Variants in IL1RAPL2 observed in about 807,000 individuals in gnomAD.
IL1RAPL2 encodes interleukin 1 receptor accessory protein like 2.
A neutral mutation model predicts 44.1 loss-of-function variants in IL1RAPL2; 3 were observed. The ratio of observed to expected loss-of-function variants is 0.07; its 90% confidence interval spans 0.03 to 0.18. IL1RAPL2 has a LOEUF of 0.18. IL1RAPL2 is among the 10% of genes least tolerant of loss of function. The pLI is 1.00. For missense variants in IL1RAPL2, 391 were observed against 496.4 expected, an observed-to-expected ratio of 0.79 and a Z score of 2.02; for synonymous variants, 181 against 178.8, an observed-to-expected ratio of 1.01 and a Z score of -0.10.
chrX:105,293,097 G>A (rs1235546401), intron 5 of IL1RAPL2, among the ~76,000 whole-genome samples: 4 of 74,310 alleles, frequency 5.4e-5, no homozygotes, highest in Non-Finnish European at 7.3e-5. Flanking sequence ...CAGCCTAGGC[G>A]ACAGAGCACG....
intron 2 of IL1RAPL2, among the ~76,000 whole-genome samples, chrX:104,847,256 G>C (rs187480151): frequency 8.9e-6 from 1 of 112,026 alleles, no homozygotes; most frequent in Admixed American, 9.5e-5. Context: ...TTTTAATCAT[G>C]AAGTCCTTGC....
At chrX:105,440,347 T>C (rs950136040) in intron 5 of IL1RAPL2, among the ~76,000 whole-genome samples, 1 of 112,400 alleles carries the variant, frequency 8.9e-6, no homozygotes, top group African/African-American at 3.2e-5. Flanking sequence ...TTAATAGTTT[T>C]AGGTTTAAGT....
At chrX:105,189,839 T>C (rs563778997) in intron 2 of IL1RAPL2, among the ~76,000 whole-genome samples, 101 of 111,555 alleles carry the variant, frequency 9.1e-4, no homozygotes, top group African/African-American at 3.1e-3. Context: ...GGAATACATA[T>C]GACAATTTGG....
At chrX:104,784,397 A>C (rs1368717937) in intron 2 of IL1RAPL2, among the ~76,000 whole-genome samples, 1 of 110,976 alleles carries the variant, frequency 9.0e-6, no homozygotes, top group African/African-American at 3.3e-5. Flanking sequence ...AGGCCAGTTC[A>C]TTTTTCTTAT....
At chrX:105,195,033 G>C (rs1378172240) in intron 2 of IL1RAPL2, among the ~76,000 whole-genome samples, 1 of 110,100 alleles carries the variant, frequency 9.1e-6, no homozygotes, top group Non-Finnish European at 1.9e-5. Flanking sequence ...GTTTTGTGGG[G>C]CTCCTGTCTA....
intron 2 of IL1RAPL2, among the ~76,000 whole-genome samples, chrX:104,954,288 G>A (rs1389956360): frequency 1.8e-5 from 2 of 111,932 alleles, no homozygotes; most frequent in Non-Finnish European, 3.8e-5. Flanking sequence ...GCAACATGGG[G>A]AAGTAATTTT....
intron 2 of IL1RAPL2, among the ~76,000 whole-genome samples, chrX:104,714,420 T>C (rs1931517777): frequency 9.0e-6 from 1 of 110,797 alleles, no homozygotes; most frequent in Admixed American, 9.6e-5. Flanking sequence ...GCTGTTCTCA[T>C]GGTAATGAGT....
intron 2 of IL1RAPL2, among the ~76,000 whole-genome samples, chrX:105,093,930 G>A (rs1000693598): frequency 1.1e-4 from 12 of 111,662 alleles, no homozygotes; most frequent in African/African-American, 2.9e-4. Context: ...ATTAAATAAG[G>A]TAATGTATGC....
At chrX:105,230,527 T>C (rs924779686) in intron 3 of IL1RAPL2, among the ~76,000 whole-genome samples, 4 of 108,247 alleles carry the variant, frequency 3.7e-5, no homozygotes, top group African/African-American at 1.3e-4. Flanking sequence ...ATTATATATA[T>C]CTTTTAATAT....
chrX:104,630,086 C>T (rs1431501111), intron 1 of IL1RAPL2, among the ~76,000 whole-genome samples: 2 of 109,950 alleles, frequency 1.8e-5, no homozygotes, highest in African/African-American at 6.7e-5. Context: ...CTGGTTCAAG[C>T]AATTCCCCTG....
intron 5 of IL1RAPL2, among the ~76,000 whole-genome samples, chrX:105,312,132 G>A (rs1268082774): frequency 1.8e-5 from 2 of 111,415 alleles, no homozygotes; most frequent in African/African-American, 6.5e-5. Context: ...GGCAGAGTGT[G>A]AAACAAAAGC....
At chrX:105,327,643 A>G (rs1490642277) in intron 5 of IL1RAPL2, among the ~76,000 whole-genome samples, 1 of 111,437 alleles carries the variant, frequency 9.0e-6, no homozygotes, top group African/African-American at 3.3e-5. Context: ...TCCTCCTTTC[A>G]TACCATGGGA....
rs1050278315 is a variant in IL1RAPL2 at position 105,679,097 on chromosome X, C to T, written c.773-38270C>T. On this transcript the variant is annotated intron_variant, in intron 6 of 10. Coordinates refer to ENST00000372582, the MANE Select transcript of IL1RAPL2 (RefSeq NM_017416.2). The stretch of plus-strand genomic sequence containing the variant: ...TAATTACTTTTCACAGCTTCTAATC[C>T]CCTAGACTTGTTTGCTATATGGAAT... Among the ~76,000 whole-genome samples, 3 of 108,731 alleles carry T rather than the reference C, an allele frequency of 2.8e-5. No individual in the cohort carries two copies. The Admixed American group carries it at 3.0e-4, about 11-fold the overall frequency. The allele number at this position is 108,731 out of a possible 115,157, so 94.4% of individuals were successfully genotyped here.
At chrX:105,087,119 T>C (rs1321975626) in intron 2 of IL1RAPL2, among the ~76,000 whole-genome samples, 1 of 111,472 alleles carries the variant, frequency 9.0e-6, no homozygotes, top group Non-Finnish European at 1.9e-5. Context: ...AGTTTAAGCA[T>C]GTGGGAAATC....
At chrX:105,286,598 C>G (rs1042607332) in intron 5 of IL1RAPL2, among the ~76,000 whole-genome samples, 1 of 90,780 alleles carries the variant, frequency 1.1e-5, no homozygotes, top group Non-Finnish European at 1.9e-5. Flanking sequence ...AACGATAGAA[C>G]AAAACAGCCT....
chrX:104,608,827 T>C (rs1003396652), intron 1 of IL1RAPL2, among the ~76,000 whole-genome samples: 12 of 111,033 alleles, frequency 1.1e-4, no homozygotes, highest in African/African-American at 2.6e-4. Flanking sequence ...TGTCTTTCAA[T>C]TGGGGCATTT....
At chrX:105,432,152 T>TTC (rs1556318012) in intron 5 of IL1RAPL2, among the ~76,000 whole-genome samples, 4 of 97,478 alleles carry the variant, frequency 4.1e-5, no homozygotes, top group African/African-American at 1.5e-4. Flanking sequence ...TTTTTTTTTT[T>TTC]CACTTTTCTC....
At chrX:105,155,809 C>T (rs2033263972) in intron 2 of IL1RAPL2, among the ~76,000 whole-genome samples, 1 of 111,343 alleles carries the variant, frequency 9.0e-6, no homozygotes, top group East Asian at 2.9e-4. Context: ...GCTGAATTTG[C>T]AGGCAGTTGG....
intron 6 of IL1RAPL2, chrX:105,675,955 T>A (rs1268000010): frequency 8.9e-6 from 1 of 111,823 alleles, no homozygotes; most frequent in Non-Finnish European, 1.9e-5. Flanking sequence ...ATAGATCTAT[T>A]TGTAGTATTA....
Sources: allele counts gnomAD v4.1 joint callset (sites outside exome capture counted in the v4.1 genomes callset), GRCh38; gene constraint gnomAD v4.1.1; transcripts MANE v1.5; gene names NCBI Gene and HGNC (gene_info 2026-07-23, HGNC 2026-07-21).